Variants in BLK observed in about 807,000 individuals in gnomAD.
BLK encodes tyrosine-protein kinase Blk.
A neutral mutation model predicts 61.8 loss-of-function variants in BLK; 64 were observed. That is an observed-to-expected ratio of 1.03 (90% CI 0.85 to 1.27). The LOEUF (loss-of-function observed/expected upper bound fraction) is 1.27, where lower values mean the gene tolerates loss of function less well. Ranked by LOEUF, BLK falls within the 50% of genes most tolerant of loss-of-function variation. BLK has a pLI of 0.00. For missense variants in BLK, 853 were observed against 660.5 expected (o/e 1.29, Z -3.19); for synonymous variants, 351 against 272.0 (o/e 1.29, Z -2.86).
chr8:11,534,482 G>C (rs1800027211), intron 1 of BLK, among the ~76,000 whole-genome samples: 1 of 151,966 alleles, frequency 6.6e-6, no homozygotes, highest in Non-Finnish European at 1.5e-5. Context: ...TTCTCTGTTA[G>C]CAGAATCAAA....
intron 1 of BLK, among the ~76,000 whole-genome samples, chr8:11,534,441 C>G (rs1302170512): frequency 6.6e-6 from 1 of 152,058 alleles, no homozygotes; most frequent in Non-Finnish European, 1.5e-5. Flanking sequence ...GAATTTTATC[C>G]GTCCCCAGAA....
intron 1 of BLK, among the ~76,000 whole-genome samples, chr8:11,500,723 G>C (rs1421039450): frequency 6.6e-6 from 1 of 151,720 alleles, no homozygotes; most frequent in East Asian, 1.9e-4. Flanking sequence ...ATGTTGTCTA[G>C]GCTGGTCTCA....
chr8:11,518,864 C>G (rs938258787), intron 1 of BLK, among the ~76,000 whole-genome samples: 1 of 152,156 alleles, frequency 6.6e-6, no homozygotes, highest in South Asian at 2.1e-4. Flanking sequence ...CTTTTAGAGC[C>G]GTCTCTCTGC....
intron 1 of BLK, among the ~76,000 whole-genome samples, chr8:11,505,841 C>T (rs1297136256): frequency 1.3e-5 from 2 of 152,210 alleles, no homozygotes; most frequent in Non-Finnish European, 2.9e-5. Flanking sequence ...TGAGGACTCC[C>T]TGGCACACAT....
rs777960256 is a variant in BLK at position 11,555,406 on chromosome 8, G to A, written c.694G>A (p.Asp232Asn). 18 of 1,614,082 alleles carry A rather than the reference G, an allele frequency of 1.1e-5. No individual in the cohort carries two copies. The highest frequency in any genetic ancestry group is 1.5e-5 in the Non-Finnish European group (18 of 1,180,050). ...GGCCCCGCAGAATCCCTGGGCCCAGGATGAATGGGAGATCCCCCGGCAGTC... is the reference window on the plus strand; with the variant it reads ...GGCCCCGCAGAATCCCTGGGCCCAGAATGAATGGGAGATCCCCCGGCAGTC... ...RPAPQNPWAQ[D>N]EWEIPRQSLR... is the part of the protein sequence containing the mutation. Residue 232 changes from aspartate (D) to asparagine (N), a missense_variant, in exon 8 of 13, where the codon GAT (aspartate) becomes AAT (asparagine). Coordinates refer to ENST00000259089, the MANE Select transcript of BLK (RefSeq NM_001715.3).
At chr8:11,510,851 T>A (rs1423219171) in intron 1 of BLK, among the ~76,000 whole-genome samples, 1 of 152,156 alleles carries the variant, frequency 6.6e-6, no homozygotes, top group Admixed American at 6.5e-5. Context: ...TTAAGGCAGT[T>A]GCTTCTATTT....
At chr8:11,499,560 A>C (rs1306405897) in intron 1 of BLK, among the ~76,000 whole-genome samples, 3 of 152,146 alleles carry the variant, frequency 2.0e-5, no homozygotes, top group Admixed American at 6.5e-5. Context: ...CTGCATAAGA[A>C]ACAGAGGTTG....
At chr8:11,548,242 C>T (rs531627243) in intron 4 of BLK, 117 bp downstream of exon 4, 3 of 856,760 alleles carry the variant, frequency 3.5e-6, no homozygotes, top group Non-Finnish European at 3.8e-6. Flanking sequence ...CATCGCCCTG[C>T]CCCCAGCCCT....
At chr8:11,557,889 C>T in intron 9 of BLK, 73 bp from the exon 10 acceptor site, 1 of 1,418,578 alleles carries the variant, frequency 7.0e-7, no homozygotes, top group South Asian at 1.2e-5. Context: ...GAGCCACTCA[C>T]ACCAGAGAGA....
chr8:11,559,075 C>T, intron 10 of BLK: 2 of 448,822 alleles, frequency 4.5e-6, no homozygotes, highest in South Asian at 3.2e-5. Context: ...TTTCCCCTTC[C>T]TTCTCTCACC....
At chr8:11,557,111 T>C (rs1039168800) in intron 9 of BLK, among the ~76,000 whole-genome samples, 2 of 152,150 alleles carry the variant, frequency 1.3e-5, no homozygotes, top group African/African-American at 4.8e-5. Context: ...CCTAGCACTC[T>C]TTGATGCCTG....
At chr8:11,500,762 C>T (rs1281772596) in intron 1 of BLK, among the ~76,000 whole-genome samples, 1 of 152,146 alleles carries the variant, frequency 6.6e-6, no homozygotes, top group African/African-American at 2.4e-5. Flanking sequence ...ATCTGCCTGC[C>T]TCAGCCTCCC....
intron 1 of BLK, among the ~76,000 whole-genome samples, chr8:11,513,216 A>C (rs1318562444): frequency 6.6e-6 from 1 of 152,164 alleles, no homozygotes; most frequent in Non-Finnish European, 1.5e-5. Context: ...CACCACACGC[A>C]GTTGGCTGAT....
At chr8:11,497,180 A>G (rs1223698927) in intron 1 of BLK, among the ~76,000 whole-genome samples, 1 of 152,182 alleles carries the variant, frequency 6.6e-6, no homozygotes, top group East Asian at 1.9e-4. Flanking sequence ...AAATCTCAAC[A>G]TACTGAGATG....
At chr8:11,534,407 C>A (rs902907478) in intron 1 of BLK, among the ~76,000 whole-genome samples, 2 of 152,092 alleles carry the variant, frequency 1.3e-5, no homozygotes, top group Non-Finnish European at 2.9e-5. Flanking sequence ...TGTTCCCCCC[C>A]CAAAAAAATT....
rs144781247 is a variant in BLK, at chr8:11,554,809, G to A, written c.539G>A (p.Arg180His). Reference protein sequence around the residue: ...QGELIKHYKIRCLDEGGYYIS... With the variant: ...QGELIKHYKIHCLDEGGYYIS... ...GAGCTGATCAAGCACTATAAGATCC[G>A]CTGCCTGGATGAAGGGGGCTACTAC... Residue 180 changes from arginine to histidine, a missense_variant, in exon 7 of 13, where the codon CGC becomes CAC. Transcript: ENST00000259089. 1.3e-4 allele frequency: 209 copies of A among 1,613,908 alleles called. No individual in the cohort carries two copies. Among genetic ancestry groups the A allele is most frequent in the Non-Finnish European group, 1.6e-4 (185 of 1,180,030 alleles).
At chr8:11,499,183 A>C (rs553634830) in intron 1 of BLK, among the ~76,000 whole-genome samples, 4 of 152,328 alleles carry the variant, frequency 2.6e-5, no homozygotes, top group South Asian at 4.2e-4. Flanking sequence ...TAGAGACACA[A>C]ATATTCACCA....
In BLK at chr8:11,558,186, A is replaced by T. The variant is rs969537426; in HGVS notation, c.1029+148A>T. 5 of 788,432 alleles carry T rather than the reference A, an allele frequency of 6.3e-6. No homozygotes were observed. In the African/African-American group the frequency reaches 8.5e-5, roughly 13 times the overall value. 48.8% of individuals were successfully genotyped at this position (788,432 alleles called of 1,614,324 possible). On this transcript the variant is annotated intron_variant, in intron 10 of 12. Transcript: ENST00000259089. ...ACCTTCCTCTAGGCAGATATCCCCA[A>T]GGTCACCCACTGCACTTGGACTTGC...
chr8:11,520,051 A>G (rs753106878), intron 1 of BLK, among the ~76,000 whole-genome samples: 4 of 152,236 alleles, frequency 2.6e-5, no homozygotes, highest in Non-Finnish European at 5.9e-5. Flanking sequence ...GTAGTCACAC[A>G]CAAACCACAG....
Sources: gnomAD v4.1 joint callset for allele counts (sites outside exome capture counted in the v4.1 genomes callset) on GRCh38, gnomAD v4.1.1 for gene constraint, MANE v1.5 for transcripts, NCBI Gene and HGNC (gene_info 2026-07-23, HGNC 2026-07-21) for gene names.